Variants in RAI2 observed in about 807,000 individuals in gnomAD.
RAI2 encodes retinoic acid induced 2, also known as retinoic acid-induced protein 2.
In RAI2, 5 loss-of-function variants were observed where a neutral mutation model predicts 15.3. That is an observed-to-expected ratio of 0.33 (90% confidence interval 0.17 to 0.69). RAI2 has a LOEUF of 0.69. Among genes scored for constraint, RAI2 ranks in the 30% least tolerant of loss-of-function variants. RAI2 has a pLI of 0.69. For synonymous variants in RAI2, 191 were observed against 184.0 expected (o/e 1.04, Z -0.31); for missense variants, 424 against 424.7 (o/e 1.00, Z 0.01).
intron 1 of RAI2, among the ~76,000 whole-genome samples, chrX:17,810,846 T>C (rs1158427427): frequency 5.3e-5 from 6 of 112,891 alleles, no homozygotes; most frequent in Non-Finnish European, 1.1e-4. Context: ...ATTCATTCTT[T>C]CAAAAATGAT....
intron 1 of RAI2, among the ~76,000 whole-genome samples, chrX:17,829,277 G>GAAAA (rs11479454): frequency 3.8e-5 from 2 of 52,241 alleles, no homozygotes; most frequent in African/African-American, 7.0e-5. Context: ...CATCTGTATG[G>GAAAA]AAAAAAAAAA....
At chrX:17,826,471 T>C (rs2067228056) in intron 1 of RAI2, among the ~76,000 whole-genome samples, 1 of 110,748 alleles carries the variant, frequency 9.0e-6, no homozygotes, top group African/African-American at 3.3e-5. Flanking sequence ...GAATAATACC[T>C]GGTTCATAGA....
intron 1 of RAI2, among the ~76,000 whole-genome samples, chrX:17,822,705 T>C (rs2067180970): frequency 8.9e-6 from 1 of 112,550 alleles, no homozygotes; most frequent in African/African-American, 3.2e-5. Context: ...TCTCAGTCTC[T>C]CCTTTTTCTT....
chrX:17,830,739 T>TG (rs1477256002), intron 1 of RAI2, among the ~76,000 whole-genome samples: 3 of 110,587 alleles, frequency 2.7e-5, no homozygotes, highest in Admixed American at 9.6e-5. Context: ...CTGGGGTGTG[T>TG]GTGGGGGGGT....
At chrX:17,818,849 T>C (rs1224641206) in intron 1 of RAI2, among the ~76,000 whole-genome samples, 1 of 112,900 alleles carries the variant, frequency 8.9e-6, no homozygotes, top group Non-Finnish European at 1.9e-5. Context: ...TCAGAGCAGC[T>C]GAGAGGACAA....
intron 1 of RAI2, among the ~76,000 whole-genome samples, chrX:17,823,338 A>G (rs2067189124): frequency 8.9e-6 from 1 of 112,579 alleles, no homozygotes; most frequent in Admixed American, 9.4e-5. Flanking sequence ...GTGGAATCCT[A>G]AATAAATAAG....
chrX:17,854,477 C>T (rs1215718279), intron 1 of RAI2, among the ~76,000 whole-genome samples: 1 of 112,140 alleles, frequency 8.9e-6, no homozygotes, highest in African/African-American at 3.2e-5. Context: ...CAGGAAAAAC[C>T]TATGTTCATA....
intron 1 of RAI2, among the ~76,000 whole-genome samples, chrX:17,807,065 C>T (rs1382559668): frequency 1.8e-5 from 2 of 111,212 alleles, no homozygotes; most frequent in African/African-American, 6.6e-5. Flanking sequence ...ATCTGAACCC[C>T]TCATCTAATT....
At chrX:17,854,107 G>A (rs1426922441) in intron 1 of RAI2, among the ~76,000 whole-genome samples, 1 of 111,989 alleles carries the variant, frequency 8.9e-6, no homozygotes, top group African/African-American at 3.2e-5. Context: ...TTTTTCCAGA[G>A]CACAAAAAGC....
At chrX:17,852,686 A>G (rs995869543) in intron 1 of RAI2, among the ~76,000 whole-genome samples, 1 of 112,240 alleles carries the variant, frequency 8.9e-6, no homozygotes, top group Non-Finnish European at 1.9e-5. Context: ...AATATGGCTG[A>G]GGGCTTGTCC....
At chrX:17,826,967 T>G (rs2067233819) in intron 1 of RAI2, among the ~76,000 whole-genome samples, 1 of 112,722 alleles carries the variant, frequency 8.9e-6, no homozygotes, top group Non-Finnish European at 1.9e-5. Context: ...TATAGCAATG[T>G]GAAAACAAAC....
chrX:17,801,216 G>A lies in RAI2; in HGVS notation c.795C>T (p.Pro265=). 1 of 1,211,003 alleles carries A rather than the reference G, an allele frequency of 8.3e-7. No individual in the cohort carries two copies. Among genetic ancestry groups the A allele is most frequent in the South Asian group, 1.8e-5 (1 of 56,864 alleles). ...GCAGGCCGAAGGAAGATGGTGGCTT[G>A]GGGAAACTGGAGCTGAACTTGGATT... ...SSESKFSSSF[P]KPPSSFGLHP... Residue 265 remains proline, a synonymous_variant, in exon 2 of 2, where the codon CCC becomes CCT. Coordinates refer to ENST00000451717, the MANE Select transcript of RAI2 (RefSeq NM_021785.6).
Position 17,801,022 on chromosome X carries a change from C to A in RAI2, c.989G>T (p.Gly330Val). The A allele has an allele frequency of 8.3e-7, 1 of 1,211,664 alleles. No homozygotes were observed. Among genetic ancestry groups the A allele is most frequent in the Non-Finnish European group, 1.1e-6 (1 of 895,516 alleles). ...SMKSVPWLKAGEVSPPIFQED... is the reference protein window; with the variant it reads ...SMKSVPWLKAVEVSPPIFQED... ...CTGGAAGATTGGGGGACTGACTTCA[C>A]CAGCCTTGAGCCAGGGCACTGACTT... Residue 330 changes from glycine (G) to valine (V), a missense_variant, in exon 2 of 2, where the codon GGT becomes GTT. Coordinates refer to ENST00000451717, the MANE Select transcript of RAI2 (RefSeq NM_021785.6).
At chrX:17,820,765 C>T (rs193108561) in intron 1 of RAI2, among the ~76,000 whole-genome samples, 72 of 111,723 alleles carry the variant, frequency 6.4e-4, no homozygotes, top group Middle Eastern at 4.6e-3. Flanking sequence ...AAAGTAGAAA[C>T]TGCCTGAAGC....
intron 1 of RAI2, among the ~76,000 whole-genome samples, chrX:17,833,317 T>C (rs1192645910): frequency 2.7e-5 from 3 of 110,553 alleles, no homozygotes; most frequent in African/African-American, 9.9e-5. Context: ...AGGCCAGGAG[T>C]TCGAGACCAG....
At chrX:17,817,368 G>A (rs1480633338) in intron 1 of RAI2, among the ~76,000 whole-genome samples, 2 of 111,832 alleles carry the variant, frequency 1.8e-5, no homozygotes, top group Non-Finnish European at 1.9e-5. Flanking sequence ...AAGCTTCCAC[G>A]TGCTAGCTTT....
rs776801329 is a variant in RAI2, at chrX:17,848,517, C to A, written c.-25+12581G>T. 2.7e-5 allele frequency among the ~76,000 whole-genome samples: 3 copies of A among 109,732 alleles called. No homozygotes were observed. The South Asian group carries it at 1.2e-3, about 44-fold the overall frequency. ...AAAAAAAAAAAAAAACAAGAACATT[C>A]TTAGCACTGCTGAAATGGAGATCAA... On this transcript the variant is annotated intron_variant, in intron 1 of 1. Transcript: ENST00000451717.
At chrX:17,807,326 C>T (rs2066991771) in intron 1 of RAI2, among the ~76,000 whole-genome samples, 1 of 111,939 alleles carries the variant, frequency 8.9e-6, no homozygotes, top group Non-Finnish European at 1.9e-5. Flanking sequence ...CTTCTTTCTC[C>T]AGGAGCAGGG....
chrX:17,810,657 G>A (rs902108652), intron 1 of RAI2, among the ~76,000 whole-genome samples: 2 of 111,639 alleles, frequency 1.8e-5, no homozygotes, highest in African/African-American at 6.5e-5. Flanking sequence ...CCCAAAGGAT[G>A]GGCAAGTGGG....
Sources: allele counts gnomAD v4.1 joint callset (sites outside exome capture counted in the v4.1 genomes callset), GRCh38; gene constraint gnomAD v4.1.1; transcripts MANE v1.5; gene names NCBI Gene and HGNC (gene_info 2026-07-23, HGNC 2026-07-21).